Variants in ATP13A4 observed in about 807,000 individuals in gnomAD.
ATP13A4 encodes the protein ATPase 13A4.
ATP13A4 carries 114 observed loss-of-function variants against 142.5 expected under a neutral mutation model. The ratio of observed to expected loss-of-function variants is 0.80; its 90% CI spans 0.69 to 0.93. The LOEUF is 0.93. Ranked by LOEUF, ATP13A4 falls within the 40% of genes least tolerant of loss-of-function variation. The pLI is 0.00. For synonymous variants in ATP13A4, 488 were observed against 514.8 expected (o/e 0.95, Z 0.70); for missense variants, 1,392 against 1,454.0 (o/e 0.96, Z 0.69).
chr3:193,571,415 T>G (rs1724263820), intron 2 of ATP13A4, among the ~76,000 whole-genome samples: 1 of 152,142 alleles, frequency 6.6e-6, no homozygotes, highest in African/African-American at 2.4e-5. Flanking sequence ...CAGAAAGGGC[T>G]ACATAACTAT....
intron 2 of ATP13A4, among the ~76,000 whole-genome samples, chr3:193,509,984 A>C (rs988095694): frequency 5.3e-5 from 8 of 152,338 alleles, no homozygotes; most frequent in South Asian, 4.1e-4. Context: ...CACTGAAAAC[A>C]TAAGTGAATG....
chr3:193,462,984 TA>T lies in ATP13A4; in HGVS notation c.1462-162del, dbSNP rs113344721. On this transcript the variant is annotated intron_variant, in intron 12 of 29. Transcript: ENST00000342695. ...ACATAATGAAACCACCTCCCTATTT[TA>T]AAAAAAAAAAAATCCAGTGGCCCCA... is the stretch of plus-strand genomic sequence containing the variant. Among the ~76,000 whole-genome samples, 1,232 of 147,818 alleles carry T rather than the reference TA, an allele frequency of 8.3e-3. 12 individuals carry two copies. Among genetic ancestry groups the T allele is most frequent in the African/African-American group, 0.025 (1,031 of 40,440 alleles).
chr3:193,438,910 G>T, intron 22 of ATP13A4, 113 bp downstream of exon 22: 1 of 1,153,518 alleles, frequency 8.7e-7, no homozygotes, highest in African/African-American at 1.5e-5. Context: ...ACCTCTAAAG[G>T]GCTCGAGTAT....
chr3:193,538,885 G>GT (rs1257667277), intron 1 of ATP13A4, among the ~76,000 whole-genome samples: 129 of 139,936 alleles, frequency 9.2e-4, no homozygotes, highest in Middle Eastern at 3.8e-3. Context: ...TTCTTTCTTG[G>GT]TTTTTTCTTT....
chr3:193,417,799 C>A (rs1223475586), intron 25 of ATP13A4, among the ~76,000 whole-genome samples: 12 of 145,418 alleles, frequency 8.3e-5, no homozygotes, highest in Non-Finnish European at 1.6e-4. Flanking sequence ...TCCTGGCTAA[C>A]AGAGTGAAAC....
chr3:193,476,690 C>T (rs566548027), intron 8 of ATP13A4, among the ~76,000 whole-genome samples: 39 of 152,060 alleles, frequency 2.6e-4, no homozygotes, highest in African/African-American at 8.7e-4. Context: ...CTTCCTTTTG[C>T]TAGAACACTT....
chr3:193,477,683 G>A (rs1719046302), intron 8 of ATP13A4, among the ~76,000 whole-genome samples: 1 of 152,094 alleles, frequency 6.6e-6, no homozygotes, highest in East Asian at 1.9e-4. Context: ...AAGCCACTAT[G>A]CAGAGAAGGG....
intron 1 of ATP13A4, among the ~76,000 whole-genome samples, chr3:193,553,940 T>G (rs1449981483): frequency 1.3e-5 from 2 of 152,236 alleles, no homozygotes; most frequent in African/African-American, 4.8e-5. Context: ...ATTTTAACAT[T>G]TTAATTACAT....
chr3:193,402,950 T>TGC, intron 29 of ATP13A4, 86 bp from the exon 30 acceptor site: 1 of 1,176,682 alleles, frequency 8.5e-7, no homozygotes, highest in Non-Finnish European at 1.2e-6. Flanking sequence ...AAGTCACTAC[T>TGC]GCAATGGTTG....
intron 1 of ATP13A4, among the ~76,000 whole-genome samples, chr3:193,521,258 T>C (rs1721699562): frequency 6.7e-6 from 1 of 148,570 alleles, no homozygotes; most frequent in Non-Finnish European, 1.5e-5. Context: ...AAATGCCATA[T>C]GAAAAGCACA....
At chr3:193,482,458 C>A (rs941851007) in intron 8 of ATP13A4, among the ~76,000 whole-genome samples, 93 of 152,142 alleles carry the variant, frequency 6.1e-4, no homozygotes, top group African/African-American at 2.2e-3. Context: ...TTGAAAAACA[C>A]TGTAAAGAGA....
chr3:193,551,272 G>T (rs1315923646), intron 1 of ATP13A4, among the ~76,000 whole-genome samples: 1 of 152,142 alleles, frequency 6.6e-6, no homozygotes, highest in African/African-American at 2.4e-5. Context: ...AATTAGCCAG[G>T]CATGGTGGCA....
At chr3:193,586,066 T>C (rs1422144819) in intron 1 of ATP13A4, among the ~76,000 whole-genome samples, 35 of 131,990 alleles carry the variant, frequency 2.7e-4, no homozygotes, top group African/African-American at 1.0e-3. Context: ...AAAATATATA[T>C]ATATCTGTAT....
intron 1 of ATP13A4, among the ~76,000 whole-genome samples, chr3:193,539,075 G>A (rs1722745535): frequency 6.6e-6 from 1 of 152,034 alleles, no homozygotes; most frequent in Admixed American, 6.6e-5. Flanking sequence ...GTTTCTGCAT[G>A]TTGGTCAGGC....
intron 2 of ATP13A4, among the ~76,000 whole-genome samples, chr3:193,575,528 G>A (rs1056543573): frequency 4.6e-5 from 7 of 152,182 alleles, no homozygotes; most frequent in Non-Finnish European, 8.8e-5. Flanking sequence ...GAGGAGAAGT[G>A]AGAAACGTGG....
intron 1 of ATP13A4, among the ~76,000 whole-genome samples, chr3:193,531,101 C>T (rs1233812552): frequency 3.3e-5 from 5 of 152,036 alleles, no homozygotes; most frequent in Admixed American, 6.6e-5. Context: ...TCAATGAAGC[C>T]GTCCAGGAGT....
At chr3:193,588,114 C>T (rs1301782557) in intron 1 of ATP13A4, among the ~76,000 whole-genome samples, 1 of 152,122 alleles carries the variant, frequency 6.6e-6, no homozygotes. Flanking sequence ...GCCTGGGAAA[C>T]AGAGCAAGAC....
chr3:193,407,116 T>C (rs1714536528), intron 29 of ATP13A4, among the ~76,000 whole-genome samples, 197 bp downstream of exon 29: 2 of 152,158 alleles, frequency 1.3e-5, no homozygotes, highest in African/African-American at 4.8e-5. Flanking sequence ...CCCGCCCTAC[T>C]TGACAGATGA....
At chr3:193,493,535 T>A (rs1052170202) in intron 3 of ATP13A4, among the ~76,000 whole-genome samples, 1 of 152,128 alleles carries the variant, frequency 6.6e-6, no homozygotes, top group African/African-American at 2.4e-5. Flanking sequence ...CTTGAAATGC[T>A]GTAGACGTAA....
Sources: gnomAD v4.1 joint callset for allele counts (sites outside exome capture counted in the v4.1 genomes callset) on GRCh38, gnomAD v4.1.1 for gene constraint, MANE v1.5 for transcripts, NCBI Gene and HGNC (gene_info 2026-07-23, HGNC 2026-07-21) for gene names.